The following SNAI3 variants were observed in gnomAD, a reference collection of about 807,000 sequenced individuals.
The protein encoded by SNAI3 is zinc finger protein SNAI3.
In SNAI3, 21 loss-of-function variants were observed where a neutral mutation model predicts 16.4. The observed-to-expected ratio is 1.28, with a 90% CI of 0.91 to 1.85. The LOEUF is 1.85. Ranked by LOEUF, SNAI3 falls within the 40% of genes most tolerant of loss-of-function variation. SNAI3 has a pLI of 0.00. For missense variants in SNAI3, 457 were observed against 372.8 expected, an observed-to-expected ratio of 1.23 and a Z score of -1.86; for synonymous variants, 202 against 166.6, an observed-to-expected ratio of 1.21 and a Z score of -1.64.
Position 88,686,468 on chromosome 16 carries a change from A to ACTGCTGCGTCCGCC in SNAI3, c.-76_-63dup. ...GCGGGAGGGGCGCGCCTGGGTCCGG[A>ACTGCTGCGTCCGCC]CTGCTGCGTCCGCCGGCGCTTGAAG... is the stretch of plus-strand genomic sequence containing the variant. On this transcript the variant is annotated 5_prime_UTR_variant, in exon 1 of 3. Transcript: ENST00000332281. 1 of 1,580,198 alleles carries ACTGCTGCGTCCGCC rather than the reference A, an allele frequency of 6.3e-7. No individual in the cohort carries two copies. Among genetic ancestry groups the ACTGCTGCGTCCGCC allele is most frequent in the East Asian group, 2.3e-5 (1 of 43,650 alleles).
In SNAI3 at chr16:88,681,042, C is replaced by T; in HGVS notation, c.697+52G>A. ...TCCTCCTTTTCTAACTCCCGCAGCC[C>T]ACCCTCTTCCCCCAGCCCAGACCGT... On this transcript the variant is annotated intron_variant, in intron 2 of 2. Transcript: ENST00000332281. The surrounding 1 kb of genome is among the most constrained non-coding windows in gnomAD (Gnocchi z 5.4). 3.8e-6 allele frequency: 6 copies of T among 1,571,874 alleles called. No individual in the cohort carries two copies. The highest frequency in any genetic ancestry group is 5.2e-6 in the Non-Finnish European group (6 of 1,153,096).
chr16:88,681,675 A>G lies in SNAI3; in HGVS notation c.116T>C (p.Val39Ala). The G allele has an allele frequency of 6.8e-7, 1 of 1,471,130 alleles. No individual in the cohort carries two copies. Among genetic ancestry groups the G allele is most frequent in the Non-Finnish European group, 9.0e-7 (1 of 1,108,166 alleles). The allele number at this position is 1,471,130 out of a possible 1,614,324, so 91.1% of individuals were successfully genotyped here. A position where few individuals can be genotyped will look rare whatever the true frequency, so the allele number is the denominator to read the frequency against. Residue 39 changes from valine to alanine, a missense_variant, in exon 2 of 3, where the codon GTG (valine) becomes GCG (alanine). Transcript: ENST00000332281. The surrounding 1 kb of genome is among the most constrained non-coding windows in gnomAD (Gnocchi z 5.4). ...GACSACGGLV[V>A]PLLPRDKEAP... ...CTCCTTGTCTCGGGGGAGGAGGGGC[A>G]CCACCAGCCCCCCACAGGCAGAGCA... is the stretch of plus-strand genomic sequence containing the variant.
rs71158747 is a variant in SNAI3, at chr16:88,682,762, A to ATTTTTTTTTTTTTTTTTTTT, written c.77-1068_77-1049dup. 2.5e-4 allele frequency among the ~76,000 whole-genome samples: 15 copies of ATTTTTTTTTTTTTTTTTTTT among 60,698 alleles called. 4 individuals are homozygous for ATTTTTTTTTTTTTTTTTTTT. The highest frequency in any genetic ancestry group is 2.7e-4 in the Non-Finnish European group (9 of 33,214). 39.8% of individuals were successfully genotyped at this position (60,698 alleles called of 152,430 possible). A position where few individuals can be genotyped will look rare whatever the true frequency, so the allele number is the denominator to read the frequency against. Reference sequence around the variant, plus strand: ...AATACAATTTTAATATGGGCAAGGGATTTTTTTTTTTTTTTTTTTTTTTTT... The same window carrying ATTTTTTTTTTTTTTTTTTTT: ...AATACAATTTTAATATGGGCAAGGGATTTTTTTTTTTTTTTTTTTTTTTTTTTTTTTTTTTTTTTTTTTTT... On this transcript the variant is annotated intron_variant, in intron 1 of 2. Transcript: ENST00000332281.
rs1263693516 is a variant in SNAI3, at chr16:88,678,167, C to T, written c.*281G>A. On this transcript the variant is annotated 3_prime_UTR_variant, in exon 3 of 3. Transcript: ENST00000332281. ...GGAAGGGTAGCCCCGGAGACCTGGC[C>T]GTGTCGAAATGGAACCATGGCTCTT... The T allele has an allele frequency of 1.3e-5, 5 of 376,662 alleles. No homozygotes were observed. Among genetic ancestry groups the T allele is most frequent in the African/African-American group, 6.2e-5 (3 of 48,006 alleles). The allele number at this position is 376,662 out of a possible 1,614,324, so 23.3% of individuals were successfully genotyped here.
At position 88,678,529 on chromosome 16, in the gene SNAI3, C is replaced by G. The variant is rs766365605; in HGVS notation, c.798G>C (p.Arg266=). 9 of 794,806 alleles carry G rather than the reference C, an allele frequency of 1.1e-5. No homozygotes were observed. The highest frequency in any genetic ancestry group is 1.0e-4 in the Admixed American group (6 of 59,038). 49.2% of individuals were successfully genotyped at this position (794,806 alleles called of 1,614,324 possible). ...AGAAGGTCTTGGTGCAGCGCCGGCA[C>G]CGGTACTTCTTGGCGTCTGAGTGCG... ...LQTHSDAKKY[R]CRRCTKTFSR... Residue 266 remains arginine (R), a synonymous_variant, in exon 3 of 3, where the codon CGG becomes CGC. Transcript: ENST00000332281.
rs1252673550 is a variant in SNAI3, at chr16:88,678,560, A to T, written c.767T>A (p.Leu256Gln). 1.2e-6 allele frequency: 1 copy of T among 844,454 alleles called. No homozygotes were observed. Among genetic ancestry groups the T allele is most frequent in the East Asian group, 2.4e-5 (1 of 41,506 alleles). The allele number at this position is 844,454 out of a possible 1,614,324, so 52.3% of individuals were successfully genotyped here. A position where few individuals can be genotyped will look rare whatever the true frequency, so the allele number is the denominator to read the frequency against. Residue 256 changes from leucine (L) to glutamine (Q), a missense_variant, in exon 3 of 3, where the codon CTG becomes CAG. By Grantham distance (113) the Leu-to-Gln change is moderately radical. Coordinates refer to ENST00000332281, the MANE Select transcript of SNAI3 (RefSeq NM_178310.4). ...CTTCTTGGCGTCTGAGTGCGTTTGC[A>T]GATGGGCCCGAAGGTTGGAGCGGTC... Reference protein sequence around the residue: ...FADRSNLRAHLQTHSDAKKYR... With the variant: ...FADRSNLRAHQQTHSDAKKYR...
At position 88,681,249 on chromosome 16, in the gene SNAI3, C is replaced by T. The variant is rs773662551; in HGVS notation, c.542G>A (p.Arg181His). The change falls in exon 2 of 3, where the codon CGT (arginine) becomes CAT (histidine). Residue 181 changes from arginine to histidine, a missense_variant. Physicochemically the swap from Arg to His is conservative, Grantham distance 29 (BLOSUM62 0). Coordinates refer to ENST00000332281, the MANE Select transcript of SNAI3 (RefSeq NM_178310.4). This position sits in a 1 kb window ranked among gnomAD's most constrained non-coding sequence, Gnocchi z 5.4. ...GTCGCAGTACTTGCAGGTGAAGACACGCCCCACCTGCAGGTGGCAGTGCAG... is the reference window on the plus strand; with the variant it reads ...GTCGCAGTACTTGCAGGTGAAGACATGCCCCACCTGCAGGTGGCAGTGCAG... ...RQLHCHLQVGRVFTCKYCDKE... is the reference protein window; with the variant it reads ...RQLHCHLQVGHVFTCKYCDKE... 47 of 1,613,496 alleles carry T rather than the reference C, an allele frequency of 2.9e-5. No homozygotes were observed. Among genetic ancestry groups the T allele is most frequent in the Non-Finnish European group, 4.0e-5 (47 of 1,180,024 alleles).
At chr16:88,680,992 A>T in intron 2 of SNAI3, 102 bp downstream of exon 2, 3 of 1,467,396 alleles carry the variant, frequency 2.0e-6, no homozygotes. Flanking sequence ...GTGAATGCCC[A>T]TGCTATTGTT....
Position 88,678,314 on chromosome 16 carries a change from A to C in SNAI3, c.*134T>G. Reference sequence around the variant, plus strand: ...GCTGGACTTCTTTGGTTCTGATTGGACGCAGATGTGGAGGACGCACCAAGT... The same window carrying C: ...GCTGGACTTCTTTGGTTCTGATTGGCCGCAGATGTGGAGGACGCACCAAGT... On this transcript the variant is annotated 3_prime_UTR_variant, in exon 3 of 3. Coordinates refer to ENST00000332281, the MANE Select transcript of SNAI3 (RefSeq NM_178310.4). 1.2e-5 allele frequency: 7 copies of C among 593,428 alleles called. No homozygotes were observed. The South Asian group carries it at 1.4e-4, about 12-fold the overall frequency. The allele number at this position is 593,428 out of a possible 1,614,324, so 36.8% of individuals were successfully genotyped here. A position where few individuals can be genotyped will look rare whatever the true frequency, so the allele number is the denominator to read the frequency against.
intron 1 of SNAI3, among the ~76,000 whole-genome samples, chr16:88,682,357 G>A (rs1443193982): frequency 6.6e-6 from 1 of 152,240 alleles, no homozygotes; most frequent in Non-Finnish European, 1.5e-5. Context: ...GCTCTGGCCT[G>A]GGCTTTCAGA....
Position 88,678,267 on chromosome 16 carries a change from G to A in SNAI3, c.*181C>T, listed in dbSNP as rs116985354. 306 of 565,330 alleles carry A rather than the reference G, an allele frequency of 5.4e-4. No homozygotes were observed. In the East Asian group the frequency reaches 6.7e-3, roughly 12 times the overall value. The allele number at this position is 565,330 out of a possible 1,614,324, so 35.0% of individuals were successfully genotyped here. A position where few individuals can be genotyped will look rare whatever the true frequency, so the allele number is the denominator to read the frequency against. ...CGCGCGGTGGGATGCCTGGGGGAGT[G>A]TCCTCCGGCCCAGTGGCCCCCGCTG... On this transcript the variant is annotated 3_prime_UTR_variant, in exon 3 of 3. Coordinates refer to ENST00000332281, the MANE Select transcript of SNAI3 (RefSeq NM_178310.4).
chr16:88,686,207 C>G (rs755623777), intron 1 of SNAI3, 124 bp downstream of exon 1: 29 of 1,262,378 alleles, frequency 2.3e-5, no homozygotes, highest in Non-Finnish European at 3.1e-5. Context: ...CGCAGAGGCG[C>G]TGGCTCCTTC....
chr16:88,683,308 T>C (rs1597394053), intron 1 of SNAI3, among the ~76,000 whole-genome samples: 1 of 149,390 alleles, frequency 6.7e-6, no homozygotes, highest in Non-Finnish European at 1.5e-5. Context: ...CAGGCTGGAG[T>C]GCGATGGCAC....
chr16:88,683,978 C>A (rs1039274487), intron 1 of SNAI3, among the ~76,000 whole-genome samples: 1 of 152,164 alleles, frequency 6.6e-6, no homozygotes, highest in Non-Finnish European at 1.5e-5. Flanking sequence ...ATGCTCACAC[C>A]CAGTAGAACT....
At position 88,681,509 on chromosome 16, in the gene SNAI3, G is replaced by T. The variant is rs780238920; in HGVS notation, c.282C>A (p.Asp94Glu). The T allele has an allele frequency of 6.5e-7, 1 of 1,541,858 alleles. No individual in the cohort carries two copies. Among genetic ancestry groups the T allele is most frequent in the South Asian group, 1.2e-5 (1 of 80,896 alleles). The change falls in exon 2 of 3, where the codon GAC (aspartate) becomes GAA (glutamate). Residue 94 changes from aspartate (D) to glutamate (E), a missense_variant. Physicochemically the swap from Asp to Glu is conservative, Grantham distance 45. Coordinates refer to ENST00000332281, the MANE Select transcript of SNAI3 (RefSeq NM_178310.4). The surrounding 1 kb of genome is among the most constrained non-coding windows in gnomAD (Gnocchi z 5.4). ...CAATGGCGGCCCGGCTGGCCCGAGG[G>T]TCGACCTCGCTGACTTCCAAGGCGT... The part of the protein sequence containing the change: ...GLDALEVSEV[D>E]PRASRAAIVP...
Position 88,681,973 on chromosome 16 carries a change from A to G in SNAI3, c.77-259T>C, listed in dbSNP as rs527510519. On this transcript the variant is annotated intron_variant, in intron 1 of 2. Transcript: ENST00000332281. The surrounding 1 kb of genome is among the most constrained non-coding windows in gnomAD (Gnocchi z 5.4). Reference sequence around the variant, plus strand: ...AGAGCGAATCTCACTTCCTCTTTAAACACAAAGAAACATCTGACGGGACCC... The same window carrying G: ...AGAGCGAATCTCACTTCCTCTTTAAGCACAAAGAAACATCTGACGGGACCC... 2.0e-5 allele frequency among the ~76,000 whole-genome samples: 3 copies of G among 152,232 alleles called. No individual in the cohort carries two copies. Among genetic ancestry groups the G allele is most frequent in the East Asian group, 1.9e-4 (1 of 5,168 alleles).
chr16:88,682,041 G>C (rs998133919), intron 1 of SNAI3, among the ~76,000 whole-genome samples: 1 of 152,126 alleles, frequency 6.6e-6, no homozygotes, highest in Non-Finnish European at 1.5e-5. Context: ...GGTAAAGGAG[G>C]GCCCTTTACG....
Position 88,682,762 on chromosome 16 carries a change from A to ATTTTTT in SNAI3, c.77-1054_77-1049dup, listed in dbSNP as rs71158747. On this transcript the variant is annotated intron_variant, in intron 1 of 2. Transcript: ENST00000332281. ...AATACAATTTTAATATGGGCAAGGG[A>ATTTTTT]TTTTTTTTTTTTTTTTTTTTTTTTT... Among the ~76,000 whole-genome samples, 94 of 60,692 alleles carry ATTTTTT rather than the reference A, an allele frequency of 1.5e-3. 16 individuals are homozygous for ATTTTTT. The highest frequency in any genetic ancestry group is 5.1e-3 in the East Asian group (5 of 978). 39.8% of individuals were successfully genotyped at this position (60,692 alleles called of 152,430 possible).
Position 88,681,566 on chromosome 16 carries a change from C to T in SNAI3, c.225G>A (p.Arg75=). The part of the protein sequence containing the change: ...VACISLPLLP[R]IEEALGASGL... Reference sequence around the variant, plus strand: ...CAGAGGCCCCCAGAGCTTCCTCGATCCGTGGCAGGAGGGGCAGGGAGATGC... The same window carrying T: ...CAGAGGCCCCCAGAGCTTCCTCGATTCGTGGCAGGAGGGGCAGGGAGATGC... The change falls in exon 2 of 3, where the codon CGG becomes CGA. Residue 75 remains arginine, a synonymous_variant. Transcript: ENST00000332281. This position sits in a 1 kb window ranked among gnomAD's most constrained non-coding sequence, Gnocchi z 5.4. The T allele has an allele frequency of 2.0e-6, 3 of 1,508,986 alleles. No homozygotes were observed. The highest frequency in any genetic ancestry group is 2.7e-6 in the Non-Finnish European group (3 of 1,127,596). The allele number at this position is 1,508,986 out of a possible 1,614,324, so 93.5% of individuals were successfully genotyped here. A position where few individuals can be genotyped will look rare whatever the true frequency, so the allele number is the denominator to read the frequency against.
Sources: allele counts gnomAD v4.1 joint callset (sites outside exome capture counted in the v4.1 genomes callset), GRCh38; gene constraint gnomAD v4.1.1; non-coding constraint Gnocchi (gnomAD v3.1); transcripts MANE v1.5; gene names NCBI Gene and HGNC (gene_info 2026-07-23, HGNC 2026-07-21).